The following BMP6 variants were observed in gnomAD, a reference collection of about 807,000 sequenced individuals.
BMP6 encodes bone morphogenetic protein 6.
A neutral mutation model predicts 54.1 loss-of-function variants in BMP6; 17 were observed. The ratio of observed to expected loss-of-function variants is 0.31; its 90% confidence interval spans 0.22 to 0.47. BMP6 has a LOEUF of 0.47. Among genes scored for constraint, BMP6 ranks in the 20% least tolerant of loss-of-function variants. BMP6 has a pLI of 1.00. For missense variants in BMP6, 720 were observed against 690.4 expected, an observed-to-expected ratio of 1.04 and a Z score of -0.48; for synonymous variants, 328 against 291.2, an observed-to-expected ratio of 1.13 and a Z score of -1.28.
chr6:7,795,505 G>T (rs1488098983), intron 1 of BMP6, among the ~76,000 whole-genome samples: 1 of 152,206 alleles, frequency 6.6e-6, no homozygotes, highest in South Asian at 2.1e-4. Context: ...CAAGGTCCTG[G>T]CTACAAAGGG....
intron 1 of BMP6, among the ~76,000 whole-genome samples, chr6:7,777,884 G>A (rs1317288122): frequency 3.9e-5 from 6 of 152,016 alleles, no homozygotes; most frequent in African/African-American, 1.2e-4. Flanking sequence ...GCCCCCGTCC[G>A]GGACACCACT....
chr6:7,726,239 C>T lies in BMP6; in HGVS notation c.-717C>T, dbSNP rs1057056048. On this transcript the variant is annotated 5_prime_UTR_variant, in exon 1 of 7. Transcript: ENST00000283147. Reference sequence around the variant, plus strand: ...TCTGCGAGCGGGTTTGCTGGGCAGCCGGGCGACCGCCGAACGGAAAGCAAG... The same window carrying T: ...TCTGCGAGCGGGTTTGCTGGGCAGCTGGGCGACCGCCGAACGGAAAGCAAG... Among the ~76,000 whole-genome samples, 1 of 152,124 alleles carries T rather than the reference C, an allele frequency of 6.6e-6. No individual in the cohort carries two copies. Among genetic ancestry groups the T allele is most frequent in the Admixed American group, 6.5e-5 (1 of 15,288 alleles).
intron 4 of BMP6, among the ~76,000 whole-genome samples, chr6:7,875,835 T>G (rs998509858): frequency 3.3e-5 from 5 of 152,134 alleles, no homozygotes; most frequent in African/African-American, 1.2e-4. Flanking sequence ...GAGACTTAAT[T>G]CAGGAAATCA....
chr6:7,773,339 G>A (rs150646904), intron 1 of BMP6, among the ~76,000 whole-genome samples: 137 of 152,330 alleles, frequency 9.0e-4, no homozygotes, highest in African/African-American at 3.2e-3. Context: ...AAAGGAATTA[G>A]GGAAGGGCCA....
chr6:7,802,895 C>T (rs1758292636), intron 1 of BMP6, among the ~76,000 whole-genome samples: 1 of 152,214 alleles, frequency 6.6e-6, no homozygotes, highest in Non-Finnish European at 1.5e-5. Flanking sequence ...GGGTCAGACA[C>T]TCATTTATTC....
At chr6:7,800,592 G>A (rs905734063) in intron 1 of BMP6, among the ~76,000 whole-genome samples, 3 of 152,098 alleles carry the variant, frequency 2.0e-5, no homozygotes, top group Admixed American at 6.5e-5. Flanking sequence ...ATTAAGCTCT[G>A]GGGGTTTGAT....
intron 4 of BMP6, among the ~76,000 whole-genome samples, chr6:7,864,037 A>G (rs35153578): frequency 0.051 from 7,637 of 149,412 alleles, 400 homozygotes; most frequent in African/African-American, 0.14. Flanking sequence ...AGTTCTCCCC[A>G]GTGTGTTTTT....
intron 4 of BMP6, among the ~76,000 whole-genome samples, chr6:7,877,803 C>A (rs1759645130): frequency 6.6e-6 from 1 of 152,184 alleles, no homozygotes; most frequent in African/African-American, 2.4e-5. Context: ...CTCTTACACC[C>A]ACTGACATCC....
intron 1 of BMP6, among the ~76,000 whole-genome samples, chr6:7,734,634 C>T (rs1226083811): frequency 6.6e-6 from 1 of 152,214 alleles, no homozygotes; most frequent in Non-Finnish European, 1.5e-5. Flanking sequence ...GGACTGTTGA[C>T]TCCAAAGAAT....
intron 1 of BMP6, 128 bp from the exon 2 acceptor site, chr6:7,845,012 G>A (rs531617814): frequency 3.8e-5 from 31 of 816,478 alleles, no homozygotes; most frequent in South Asian, 8.9e-5. Context: ...TTCACTACCC[G>A]ATCCCCGTAG....
intron 1 of BMP6, among the ~76,000 whole-genome samples, chr6:7,821,264 C>A (rs1233474783): frequency 6.6e-6 from 1 of 152,198 alleles, no homozygotes; most frequent in Non-Finnish European, 1.5e-5. Context: ...AAAGGACTCT[C>A]CTGTCCCCAC....
At chr6:7,863,376 A>G (rs1759367416) in intron 4 of BMP6, among the ~76,000 whole-genome samples, 2 of 151,752 alleles carry the variant, frequency 1.3e-5, no homozygotes, top group African/African-American at 2.4e-5. Flanking sequence ...CTGTTTTTCT[A>G]TTTTTCTTTG....
intron 4 of BMP6, among the ~76,000 whole-genome samples, chr6:7,869,217 C>T (rs958149972): frequency 3.3e-5 from 5 of 152,244 alleles, no homozygotes; most frequent in Admixed American, 1.3e-4. Context: ...GCGCCCTTCC[C>T]TTCTCCTCTG....
intron 1 of BMP6, among the ~76,000 whole-genome samples, chr6:7,840,758 G>C (rs190252905): frequency 1.3e-5 from 2 of 152,206 alleles, no homozygotes; most frequent in South Asian, 2.1e-4. Flanking sequence ...CCTTGTGTAA[G>C]GTCATTATCA....
chr6:7,753,930 A>G (rs979957187), intron 1 of BMP6, among the ~76,000 whole-genome samples: 1 of 152,128 alleles, frequency 6.6e-6, no homozygotes, highest in African/African-American at 2.4e-5. Context: ...TTCCGTTGTA[A>G]TGAGAGAACA....
chr6:7,836,115 C>T (rs752322709), intron 1 of BMP6, among the ~76,000 whole-genome samples: 1 of 151,938 alleles, frequency 6.6e-6, no homozygotes, highest in Admixed American at 6.6e-5. Context: ...TGGAATTACC[C>T]GTGTGAGCCA....
intron 1 of BMP6, among the ~76,000 whole-genome samples, chr6:7,807,442 G>A (rs1227151766): frequency 1.3e-5 from 2 of 151,976 alleles, no homozygotes; most frequent in Non-Finnish European, 2.9e-5. Flanking sequence ...CACCACACCC[G>A]GCTGATTTTT....
intron 1 of BMP6, among the ~76,000 whole-genome samples, chr6:7,826,129 G>T (rs1316086224): frequency 6.6e-6 from 1 of 152,198 alleles, no homozygotes; most frequent in Non-Finnish European, 1.5e-5. Flanking sequence ...AGGGTGGTTG[G>T]CAGTGGTGAT....
At chr6:7,866,813 A>C (rs1235192) in intron 4 of BMP6, among the ~76,000 whole-genome samples, 54,320 of 152,106 alleles carry the variant, frequency 0.36, 10,701 homozygotes, top group East Asian at 0.59. Context: ...CTCTTGAGAC[A>C]CTGTCTGTCC....
Sources: gnomAD v4.1 joint callset for allele counts (sites outside exome capture counted in the v4.1 genomes callset) on GRCh38, gnomAD v4.1.1 for gene constraint, MANE v1.5 for transcripts, NCBI Gene and HGNC (gene_info 2026-07-23, HGNC 2026-07-21) for gene names.